The following LRRC37A2 variants were observed in gnomAD, a reference collection of about 807,000 sequenced individuals.
LRRC37A2 encodes leucine rich repeat containing 37 member A2.
A neutral mutation model predicts 68.8 loss-of-function variants in LRRC37A2; 9 were observed. The observed-to-expected ratio is 0.13, with a 90% CI of 0.08 to 0.23. The LOEUF is 0.23. Ranked by LOEUF, LRRC37A2 falls within the 10% of genes least tolerant of loss-of-function variation. The pLI, the probability that LRRC37A2 is intolerant of heterozygous loss-of-function variation, is 1.00. For synonymous variants in LRRC37A2, 63 were observed against 367.6 expected, an observed-to-expected ratio of 0.17 and a Z score of 9.48; for missense variants, 168 against 950.4, an observed-to-expected ratio of 0.18 and a Z score of 10.82.
At chr17:46,912,479 A>G in the LRRC37A2 span, among the ~76,000 whole-genome samples, 3 of 152,190 alleles carry the variant, frequency 2.0e-5, no homozygotes, top group Non-Finnish European at 4.4e-5. Flanking sequence ...TTCCTTAGAC[A>G]AAACCCTCCT....
the LRRC37A2 span, among the ~76,000 whole-genome samples, chr17:46,462,489 G>GAAGAATTTTGA: frequency 1.4e-5 from 1 of 72,288 alleles, no homozygotes; most frequent in East Asian, 2.5e-4. Context: ...GAAGAGTTAT[G>GAAGAATTTTGA]AGAATTTTGA....
the LRRC37A2 span, among the ~76,000 whole-genome samples, chr17:47,024,460 T>C: frequency 6.6e-6 from 1 of 151,848 alleles, no homozygotes; most frequent in Non-Finnish European, 1.5e-5. Context: ...GAAGAGTGGG[T>C]AGGGGTGTGC....
the LRRC37A2 span, among the ~76,000 whole-genome samples, chr17:46,946,292 A>G: frequency 2.0e-5 from 1 of 49,002 alleles, no homozygotes; most frequent in African/African-American, 5.0e-5. Context: ...CAAAAAAAAA[A>G]AAAAAAAAAA....
At chr17:46,983,854 A>G in the LRRC37A2 span, among the ~76,000 whole-genome samples, 8 of 152,216 alleles carry the variant, frequency 5.3e-5, no homozygotes, top group African/African-American at 1.9e-4. Flanking sequence ...GACTGCAGTC[A>G]TGTAAAAGCC....
the LRRC37A2 span, among the ~76,000 whole-genome samples, chr17:46,942,376 A>G: frequency 6.6e-6 from 1 of 152,104 alleles, no homozygotes; most frequent in African/African-American, 2.4e-5. Flanking sequence ...GTTCTCCATC[A>G]TTTATCCTCA....
the LRRC37A2 span, chr17:46,886,136 T>A: frequency 6.6e-6 from 1 of 152,294 alleles, no homozygotes; most frequent in East Asian, 1.9e-4. Flanking sequence ...TGTGTGTACT[T>A]GACCCTGAGC....
At chr17:46,744,904 G>T in the LRRC37A2 span, among the ~76,000 whole-genome samples, 2 of 152,102 alleles carry the variant, frequency 1.3e-5, no homozygotes, top group Non-Finnish European at 2.9e-5. Flanking sequence ...TTTAACCTTG[G>T]AACAATGTTT....
the LRRC37A2 span, among the ~76,000 whole-genome samples, chr17:46,994,177 GA>G: frequency 6.6e-6 from 1 of 152,106 alleles, no homozygotes; most frequent in South Asian, 2.1e-4. Flanking sequence ...CTGAGGTCAG[GA>G]GTTTGAGACC....
At chr17:46,732,766 A>G in the LRRC37A2 span, among the ~76,000 whole-genome samples, 1 of 152,206 alleles carries the variant, frequency 6.6e-6, no homozygotes, top group South Asian at 2.1e-4. Flanking sequence ...ATTTCAATCA[A>G]GTTTCCCTGT....
At chr17:46,871,753 A>G in the LRRC37A2 span, among the ~76,000 whole-genome samples, 1 of 152,198 alleles carries the variant, frequency 6.6e-6, no homozygotes, top group Non-Finnish European at 1.5e-5. Context: ...TCAATCTAGG[A>G]GAACAAGAAG....
the LRRC37A2 span, among the ~76,000 whole-genome samples, chr17:47,033,659 C>T: frequency 6.6e-6 from 1 of 152,232 alleles, no homozygotes; most frequent in Non-Finnish European, 1.5e-5. Flanking sequence ...TCATCTCTCT[C>T]TCCTCAGTTA....
the LRRC37A2 span, among the ~76,000 whole-genome samples, chr17:46,905,974 CG>C: frequency 6.6e-6 from 1 of 152,158 alleles, no homozygotes; most frequent in Non-Finnish European, 1.5e-5. Flanking sequence ...CTGGGAGGAA[CG>C]GGCAGGGCCG....
the LRRC37A2 span, among the ~76,000 whole-genome samples, chr17:46,893,643 G>C: frequency 1.1e-4 from 17 of 152,236 alleles, no homozygotes; most frequent in Non-Finnish European, 2.4e-4. Flanking sequence ...GTCACCTGTA[G>C]AATCTCCTCA....
At chr17:46,804,925 C>A in the LRRC37A2 span, among the ~76,000 whole-genome samples, 3 of 140,726 alleles carry the variant, frequency 2.1e-5, no homozygotes, top group Admixed American at 7.0e-5. Flanking sequence ...GCCCACCCCC[C>A]CCACCCCCAA....
At chr17:46,913,476 T>C in the LRRC37A2 span, among the ~76,000 whole-genome samples, 2 of 152,068 alleles carry the variant, frequency 1.3e-5, no homozygotes, top group Non-Finnish European at 2.9e-5. Context: ...CCAAGGAAGG[T>C]GAATTCAGAA....
At chr17:46,886,399 C>T in the LRRC37A2 span, 1 of 152,186 alleles carries the variant, frequency 6.6e-6, no homozygotes, top group African/African-American at 2.4e-5. Context: ...TTAGTTTGTA[C>T]TGTGCTCCTG....
At chr17:46,725,710 A>T in the LRRC37A2 span, among the ~76,000 whole-genome samples, 2 of 152,090 alleles carry the variant, frequency 1.3e-5, no homozygotes, top group Admixed American at 6.5e-5. Flanking sequence ...GCGGGTGGGG[A>T]TCGGGTTTAC....
the LRRC37A2 span, among the ~76,000 whole-genome samples, chr17:46,924,627 G>A: frequency 6.6e-6 from 1 of 152,118 alleles, no homozygotes; most frequent in African/African-American, 2.4e-5. Flanking sequence ...TAAGTTTATG[G>A]GTTTCTTTTA....
chr17:46,996,379 A>G, the LRRC37A2 span, among the ~76,000 whole-genome samples: 1 of 152,238 alleles, frequency 6.6e-6, no homozygotes, highest in African/African-American at 2.4e-5. Context: ...CAACCAGCCA[A>G]GACACTGAAA....
Sources: allele counts gnomAD v4.1 joint callset (sites outside exome capture counted in the v4.1 genomes callset), GRCh38; gene constraint gnomAD v4.1.1; transcripts MANE v1.5; gene names NCBI Gene and HGNC (gene_info 2026-07-23, HGNC 2026-07-21).